Variants in GLIS3 observed in about 807,000 individuals in gnomAD.
GLIS3 encodes zinc finger protein GLIS3.
A neutral mutation model predicts 78.6 loss-of-function variants in GLIS3; 53 were observed. That is an observed-to-expected ratio of 0.67 (90% CI 0.54 to 0.85). GLIS3 has a LOEUF of 0.85. GLIS3 is among the 40% of genes least tolerant of loss of function. The pLI, the probability that GLIS3 is intolerant of heterozygous loss-of-function variation, is 0.00. For missense variants in GLIS3, 1,703 were observed against 1,231.1 expected (o/e 1.38, Z -5.74); for synonymous variants, 684 against 509.9 (o/e 1.34, Z -4.60).
chr9:3,854,768 C>T (rs1007251258), intron 9 of GLIS3, among the ~76,000 whole-genome samples: 6 of 151,528 alleles, frequency 4.0e-5, no homozygotes, highest in African/African-American at 7.3e-5. Flanking sequence ...ATGGTCTCGA[C>T]CTCCTAACCT....
rs1204135146 is a variant in GLIS3 at position 3,937,123 on chromosome 9, C to G, written c.1777G>C (p.Gly593Arg). The change falls in exon 5 of 11, where the codon GGC (glycine) becomes CGC (arginine). Residue 593 changes from glycine (G) to arginine (R), a missense_variant. Gly to Arg is a moderately radical substitution (Grantham distance 125). Transcript: ENST00000381971. The stretch of plus-strand genomic sequence containing the variant: ...TGCTGGCACAAATACGGCTTCTCGC[C>G]TGTGTGGCTCCGCAAGTGGATCTTG... ...NLKIHLRSHT[G>R]EKPYLCQHPG... 2 of 1,613,998 alleles carry G rather than the reference C, an allele frequency of 1.2e-6. No homozygotes were observed. Among genetic ancestry groups the G allele is most frequent in the Non-Finnish European group, 1.7e-6 (2 of 1,180,032 alleles).
intron 4 of GLIS3, among the ~76,000 whole-genome samples, chr9:4,049,672 G>A (rs1825552915): frequency 6.6e-6 from 1 of 152,126 alleles, no homozygotes; most frequent in Non-Finnish European, 1.5e-5. Flanking sequence ...CCTACAGAAT[G>A]GGAGAACATT....
chr9:4,338,222 T>C (rs1453104834), intron 2 of GLIS3, among the ~76,000 whole-genome samples: 1 of 152,198 alleles, frequency 6.6e-6, no homozygotes, highest in Admixed American at 6.5e-5. Flanking sequence ...GTGTTGGCAG[T>C]GTTGGACTAG....
intron 4 of GLIS3, among the ~76,000 whole-genome samples, chr9:4,015,770 T>C (rs1006144524): frequency 9.3e-5 from 14 of 150,642 alleles, no homozygotes; most frequent in African/African-American, 2.5e-4. Flanking sequence ...GCGCCTGTAA[T>C]CCCAGCTACT....
chr9:3,883,028 A>C (rs956939511), intron 7 of GLIS3, among the ~76,000 whole-genome samples: 8 of 152,138 alleles, frequency 5.3e-5, no homozygotes, highest in African/African-American at 1.9e-4. Context: ...AATTTGGAGG[A>C]AGTAACAACA....
the GLIS3 span, among the ~76,000 whole-genome samples, chr9:4,460,344 A>G: frequency 5.9e-5 from 9 of 152,392 alleles, no homozygotes; most frequent in South Asian, 2.1e-4. Context: ...AACTGATGTC[A>G]AAATCAGATT....
intron 10 of GLIS3, 136 bp downstream of exon 10, chr9:3,829,174 C>G (rs1817895134): frequency 1.4e-6 from 1 of 730,896 alleles, no homozygotes; most frequent in African/African-American, 1.7e-5. Context: ...GAGATGAGAG[C>G]CATTTCAGGG....
At chr9:4,238,503 T>A (rs574902054) in intron 2 of GLIS3, among the ~76,000 whole-genome samples, 3 of 152,244 alleles carry the variant, frequency 2.0e-5, no homozygotes, top group Admixed American at 2.0e-4. Context: ...AAGTGCCAAA[T>A]ATGCCCCCAA....
At chr9:4,155,620 C>A (rs556174584) in intron 2 of GLIS3, among the ~76,000 whole-genome samples, 45 of 152,312 alleles carry the variant, frequency 3.0e-4, no homozygotes, top group African/African-American at 1.1e-3. Flanking sequence ...AAAAGCCCTC[C>A]TGAATTTCAG....
chr9:4,161,266 C>G (rs888195807), intron 2 of GLIS3, among the ~76,000 whole-genome samples: 2 of 151,896 alleles, frequency 1.3e-5, no homozygotes, highest in African/African-American at 4.8e-5. Flanking sequence ...AAGCGAGACC[C>G]TGTCTCAAAA....
At chr9:4,407,928 T>A in the GLIS3 span, among the ~76,000 whole-genome samples, 6 of 151,790 alleles carry the variant, frequency 4.0e-5, no homozygotes, top group Non-Finnish European at 7.4e-5. Flanking sequence ...GAAAAAAAAA[T>A]CTAATAATCG....
At chr9:4,393,249 A>G in the GLIS3 span, among the ~76,000 whole-genome samples, 1 of 152,080 alleles carries the variant, frequency 6.6e-6, no homozygotes, top group Admixed American at 6.6e-5. Context: ...TATTTCTGTT[A>G]CTATTTCTAT....
intron 2 of GLIS3, among the ~76,000 whole-genome samples, chr9:4,334,918 T>C (rs906664995): frequency 1.3e-5 from 2 of 148,466 alleles, no homozygotes; most frequent in East Asian, 2.0e-4. Context: ...TTTTTTTTTT[T>C]TTTTTTTTGA....
intron 4 of GLIS3, among the ~76,000 whole-genome samples, chr9:4,066,890 C>A (rs1374296690): frequency 6.6e-6 from 1 of 152,132 alleles, no homozygotes; most frequent in East Asian, 1.9e-4. Flanking sequence ...CCCCAGCGGG[C>A]ATCTTTCCGT....
chr9:4,242,973 A>C (rs1054229611), intron 2 of GLIS3, among the ~76,000 whole-genome samples: 1 of 152,206 alleles, frequency 6.6e-6, no homozygotes. Context: ...TTGATAAGCC[A>C]TAAATACAGA....
chr9:4,230,212 C>T (rs531373381), intron 2 of GLIS3, among the ~76,000 whole-genome samples: 2 of 152,116 alleles, frequency 1.3e-5, no homozygotes, highest in South Asian at 2.1e-4. Context: ...AACCAGTAAG[C>T]GTCATCAGCC....
chr9:4,199,600 A>C (rs1819181412), intron 2 of GLIS3, among the ~76,000 whole-genome samples: 4 of 151,934 alleles, frequency 2.6e-5, no homozygotes, highest in Admixed American at 2.6e-4. Flanking sequence ...TTCAACAAGA[A>C]GACTTAACTA....
intron 5 of GLIS3, 50 bp from the exon 6 acceptor site, chr9:3,932,520 A>C: frequency 7.2e-7 from 1 of 1,389,176 alleles, no homozygotes. Flanking sequence ...CATAAAGGTA[A>C]TTGGGGAATG....
intron 4 of GLIS3, among the ~76,000 whole-genome samples, chr9:4,040,218 A>G (rs900362515): frequency 6.6e-5 from 10 of 152,242 alleles, no homozygotes; most frequent in African/African-American, 2.4e-4. Flanking sequence ...TGGTCTTCAA[A>G]GGGTTTTGCA....
Sources: gnomAD v4.1 joint callset for allele counts (sites outside exome capture counted in the v4.1 genomes callset) on GRCh38, gnomAD v4.1.1 for gene constraint, MANE v1.5 for transcripts, NCBI Gene and HGNC (gene_info 2026-07-23, HGNC 2026-07-21) for gene names.